Variants in CNTNAP5 observed in about 807,000 individuals in gnomAD.
CNTNAP5 encodes contactin associated protein family member 5.
In CNTNAP5, 72 loss-of-function variants were observed where a neutral mutation model predicts 150.2. The observed-to-expected ratio is 0.48, with a 90% CI of 0.40 to 0.58. The LOEUF (loss-of-function observed/expected upper bound fraction) is 0.58, where lower values mean the gene tolerates loss of function less well. Among genes scored for constraint, CNTNAP5 ranks in the 20% least tolerant of loss-of-function variants. CNTNAP5 has a pLI of 0.00. For missense variants in CNTNAP5, 1,636 were observed against 1,626.2 expected (o/e 1.01, Z -0.10); for synonymous variants, 672 against 619.8 (o/e 1.08, Z -1.25).
intron 9 of CNTNAP5, among the ~76,000 whole-genome samples, chr2:124,525,876 T>C (rs962243021): frequency 2.6e-5 from 4 of 152,190 alleles, no homozygotes; most frequent in Admixed American, 2.6e-4. Context: ...TGCAAGGCCA[T>C]AGAGCTCATG....
At chr2:124,044,931 C>CACAT (rs1573714148) in intron 1 of CNTNAP5, among the ~76,000 whole-genome samples, 1 of 143,146 alleles carries the variant, frequency 7.0e-6, no homozygotes, top group Admixed American at 7.1e-5. Context: ...CACACACACA[C>CACAT]ATGAATAAGT....
intron 21 of CNTNAP5, among the ~76,000 whole-genome samples, chr2:124,888,931 C>T (rs986650719): frequency 6.6e-6 from 1 of 151,954 alleles, no homozygotes; most frequent in African/African-American, 2.4e-5. Context: ...TGTGCAGAAG[C>T]TCTTTAGTTT....
chr2:124,026,135 C>T (rs938553402), intron 1 of CNTNAP5, among the ~76,000 whole-genome samples: 1 of 152,174 alleles, frequency 6.6e-6, no homozygotes, highest in Non-Finnish European at 1.5e-5. Flanking sequence ...GACAGTGGCT[C>T]ATCTCTGAAT....
intron 1 of CNTNAP5, among the ~76,000 whole-genome samples, chr2:124,072,888 C>A (rs1157190544): frequency 6.6e-6 from 1 of 151,818 alleles, no homozygotes; most frequent in African/African-American, 2.4e-5. Flanking sequence ...TACAAAAGAC[C>A]CAGAATAGCC....
intron 1 of CNTNAP5, among the ~76,000 whole-genome samples, chr2:124,054,125 C>A (rs1681782404): frequency 6.6e-6 from 1 of 152,106 alleles, no homozygotes; most frequent in Non-Finnish European, 1.5e-5. Context: ...ACTTGAAGAA[C>A]ACCAAGAAGC....
intron 10 of CNTNAP5, 47 bp from the exon 11 acceptor site, chr2:124,563,170 C>A: frequency 7.7e-7 from 1 of 1,296,450 alleles, no homozygotes; most frequent in Non-Finnish European, 1.1e-6. Context: ...CCCTTTCTGC[C>A]AAATGATTTG....
intron 10 of CNTNAP5, among the ~76,000 whole-genome samples, chr2:124,554,098 C>A (rs924108594): frequency 4.0e-5 from 6 of 151,224 alleles, no homozygotes; most frequent in Admixed American, 1.3e-4. Context: ...GTTTTTTTTT[C>A]TTTTTTTAAA....
At chr2:124,348,416 A>T (rs1689793168) in intron 3 of CNTNAP5, among the ~76,000 whole-genome samples, 1 of 152,156 alleles carries the variant, frequency 6.6e-6, no homozygotes, top group Non-Finnish European at 1.5e-5. Context: ...TAGGGAAAAA[A>T]CTTTCTGTCT....
chr2:124,654,909 A>C (rs1405765987), intron 13 of CNTNAP5, among the ~76,000 whole-genome samples: 1 of 151,922 alleles, frequency 6.6e-6, no homozygotes. Flanking sequence ...ATATCAGGGT[A>C]GTATTTGACT....
intron 1 of CNTNAP5, among the ~76,000 whole-genome samples, chr2:124,123,067 CGGA>C (rs1683604638): frequency 1.3e-5 from 2 of 151,890 alleles, no homozygotes; most frequent in South Asian, 4.2e-4. Context: ...TGGGGCTTGT[CGGA>C]CACTGGGTGC....
At chr2:124,678,270 C>T (rs1678989595) in intron 13 of CNTNAP5, among the ~76,000 whole-genome samples, 1 of 151,816 alleles carries the variant, frequency 6.6e-6, no homozygotes, top group African/African-American at 2.4e-5. Context: ...TCAGGAATTT[C>T]CCCTTTATCC....
intron 3 of CNTNAP5, among the ~76,000 whole-genome samples, chr2:124,370,335 G>A (rs187400377): frequency 1.1e-4 from 17 of 152,228 alleles, no homozygotes; most frequent in African/African-American, 4.1e-4. Flanking sequence ...GGGAAGATGA[G>A]GGCTTCCAGG....
rs113238473 is a variant in CNTNAP5 at position 124,733,652 on chromosome 2, T to C, written c.2078-13577T>C. Among the ~76,000 whole-genome samples, 269 of 152,266 alleles carry C rather than the reference T, an allele frequency of 1.8e-3. 1 individual carries two copies. The highest frequency in any genetic ancestry group is 3.3e-3 in the Non-Finnish European group (227 of 68,002). On this transcript the variant is annotated intron_variant, in intron 13 of 23. Transcript: ENST00000682447. Reference sequence around the variant, plus strand: ...GCTTGGGGGCTAGGGAGTAGAGGTATTGAAGAGCAGATTGCTAGTTTTTTG... The same window carrying C: ...GCTTGGGGGCTAGGGAGTAGAGGTACTGAAGAGCAGATTGCTAGTTTTTTG...
intron 6 of CNTNAP5, among the ~76,000 whole-genome samples, chr2:124,451,722 C>T (rs1692986738): frequency 6.6e-6 from 1 of 152,096 alleles, no homozygotes; most frequent in Non-Finnish European, 1.5e-5. Context: ...AGTGCCCAAA[C>T]TGTGGAGGGA....
At chr2:124,858,625 G>A (rs546685142) in intron 19 of CNTNAP5, among the ~76,000 whole-genome samples, 146 of 152,130 alleles carry the variant, frequency 9.6e-4, no homozygotes, top group African/African-American at 3.3e-3. Context: ...GTTAAATAAT[G>A]GGTTATACTT....
intron 3 of CNTNAP5, among the ~76,000 whole-genome samples, chr2:124,297,900 A>G (rs559849538): frequency 6.0e-5 from 9 of 151,196 alleles, no homozygotes; most frequent in African/African-American, 1.9e-4. Context: ...GCTGGAGTGC[A>G]GTGGCGCAAT....
At chr2:124,146,656 ACTTAAC>A (rs940451715) in intron 1 of CNTNAP5, among the ~76,000 whole-genome samples, 2 of 152,200 alleles carry the variant, frequency 1.3e-5, no homozygotes, top group African/African-American at 4.8e-5. Context: ...AATTCCTGTG[ACTTAAC>A]CTTAAGTAAA....
At chr2:124,503,074 A>G (rs745346352) in intron 7 of CNTNAP5, among the ~76,000 whole-genome samples, 8 of 152,208 alleles carry the variant, frequency 5.3e-5, no homozygotes, top group Non-Finnish European at 7.3e-5. Flanking sequence ...CTTGACGGAT[A>G]TCAAGGTCCT....
intron 13 of CNTNAP5, among the ~76,000 whole-genome samples, chr2:124,719,094 A>G (rs1250840763): frequency 1.3e-5 from 2 of 152,190 alleles, no homozygotes; most frequent in Non-Finnish European, 2.9e-5. Context: ...GGATCAAAGT[A>G]TAAGTAGTCT....
Sources: gnomAD v4.1 joint callset for allele counts (sites outside exome capture counted in the v4.1 genomes callset) on GRCh38, gnomAD v4.1.1 for gene constraint, MANE v1.5 for transcripts, NCBI Gene and HGNC (gene_info 2026-07-23, HGNC 2026-07-21) for gene names.